The following PHF8 variants were observed in gnomAD, a reference collection of about 807,000 sequenced individuals.
The protein encoded by PHF8 is histone lysine demethylase PHF8.
In PHF8, 9 loss-of-function variants were observed where a neutral mutation model predicts 74.4. The ratio of observed to expected loss-of-function variants is 0.12; its 90% CI spans 0.07 to 0.21. The LOEUF (loss-of-function observed/expected upper bound fraction) is 0.21. Among genes scored for constraint, PHF8 ranks in the 10% least tolerant of loss-of-function variants. PHF8 has a pLI of 1.00. For missense variants in PHF8, 478 were observed against 816.6 expected (o/e 0.59, Z 5.05); for synonymous variants, 311 against 316.6 (o/e 0.98, Z 0.19).
At chrX:54,001,619 T>C (rs1557104238) in intron 10 of PHF8, among the ~76,000 whole-genome samples, 1 of 111,891 alleles carries the variant, frequency 8.9e-6, no homozygotes, top group Non-Finnish European at 1.9e-5. Context: ...ATAAAGGGAC[T>C]ATAAAGGGGT....
intron 2 of PHF8, among the ~76,000 whole-genome samples, chrX:54,041,389 A>T (rs2066551679): frequency 1.0e-5 from 1 of 96,875 alleles, no homozygotes; most frequent in Admixed American, 1.1e-4. Flanking sequence ...TGTCTCAAAT[A>T]AAAAAAAAAA....
At chrX:54,041,317 G>A (rs1227557949) in intron 2 of PHF8, among the ~76,000 whole-genome samples, 1 of 107,542 alleles carries the variant, frequency 9.3e-6, no homozygotes, top group Non-Finnish European at 1.9e-5. Context: ...CCGGGAGGCA[G>A]AGGTTGCAGT....
intron 2 of PHF8, among the ~76,000 whole-genome samples, chrX:54,036,720 C>T (rs1210599313): frequency 9.3e-6 from 1 of 107,817 alleles, no homozygotes; most frequent in Non-Finnish European, 1.9e-5. Flanking sequence ...AAAGAAAGGC[C>T]GGGTGCTGTG....
intron 19 of PHF8, chrX:53,944,671 T>C (rs1295897558): frequency 4.1e-5 from 6 of 146,327 alleles, no homozygotes; most frequent in African/African-American, 1.5e-4. Context: ...TGAGCTACGA[T>C]TGTACCACTG....
intron 19 of PHF8, among the ~76,000 whole-genome samples, chrX:53,956,482 A>G (rs2065014843): frequency 8.9e-6 from 1 of 111,770 alleles, no homozygotes; most frequent in Admixed American, 9.6e-5. Flanking sequence ...TCTTCTGCTC[A>G]GTACCATATA....
At chrX:53,951,743 T>A (rs1557086968) in intron 19 of PHF8, among the ~76,000 whole-genome samples, 2 of 110,506 alleles carry the variant, frequency 1.8e-5, no homozygotes. Flanking sequence ...TGAGCCACTG[T>A]GCCCGGCCAA....
intron 9 of PHF8, 129 bp downstream of exon 9, chrX:54,002,466 T>C: frequency 1.8e-6 from 1 of 560,131 alleles, no homozygotes; most frequent in Non-Finnish European, 3.2e-6. Context: ...AAGGTGTTAA[T>C]CTTCAGCTGA....
intron 2 of PHF8, among the ~76,000 whole-genome samples, chrX:54,041,244 C>T (rs968122865): frequency 5.5e-5 from 6 of 108,798 alleles, no homozygotes; most frequent in African/African-American, 2.0e-4. Context: ...ATTTGCCGGG[C>T]GTGGTGGCGT....
At chrX:53,977,868 A>G (rs1336980841) in intron 18 of PHF8, among the ~76,000 whole-genome samples, 6 of 107,416 alleles carry the variant, frequency 5.6e-5, no homozygotes, top group Non-Finnish European at 1.2e-4. Context: ...GGATGGTCTC[A>G]ATCTCCTGAC....
chrX:53,953,142 T>A (rs2064954525), intron 19 of PHF8, among the ~76,000 whole-genome samples: 1 of 105,452 alleles, frequency 9.5e-6, no homozygotes, highest in Non-Finnish European at 1.9e-5. Flanking sequence ...GGCTTGGTGG[T>A]GTGTGCCTGT....
At chrX:53,967,925 G>A (rs1353001943) in intron 18 of PHF8, among the ~76,000 whole-genome samples, 2 of 109,639 alleles carry the variant, frequency 1.8e-5, no homozygotes, top group Non-Finnish European at 1.9e-5. Flanking sequence ...CAGCATGCTC[G>A]TTAAGAGTCA....
intron 2 of PHF8, among the ~76,000 whole-genome samples, chrX:54,037,000 T>TAAAAAAAAAAAAA: frequency 1.6e-5 from 1 of 63,242 alleles, no homozygotes; most frequent in African/African-American, 5.7e-5. Context: ...TCAGAAAAAA[T>TAAAAAAAAAAAAA]AAAAAAAAAA....
chrX:53,976,959 TTAAAAAATAAATAAA>T (rs1345690388), intron 18 of PHF8, among the ~76,000 whole-genome samples: 2 of 111,846 alleles, frequency 1.8e-5, no homozygotes, highest in Non-Finnish European at 3.8e-5. Flanking sequence ...TTGGCTAGTC[TTAAAAAATAAATAAA>T]TAAAAAATAA....
chrX:53,967,414 G>A (rs1162277452), intron 18 of PHF8, among the ~76,000 whole-genome samples: 5 of 105,364 alleles, frequency 4.7e-5, no homozygotes, highest in African/African-American at 7.0e-5. Flanking sequence ...GAGGTGAGGG[G>A]CGCCTCTGCC....
intron 19 of PHF8, among the ~76,000 whole-genome samples, chrX:53,950,221 C>G (rs1557086544): frequency 9.0e-6 from 1 of 111,555 alleles, no homozygotes; most frequent in Non-Finnish European, 1.9e-5. Context: ...ATGTAGTGAG[C>G]AGAAAGGAGC....
At chrX:54,029,852 A>G (rs1241242920) in intron 2 of PHF8, among the ~76,000 whole-genome samples, 1 of 111,730 alleles carries the variant, frequency 9.0e-6, no homozygotes, top group African/African-American at 3.3e-5. Flanking sequence ...TCACAAAATC[A>G]AAGGCAAAAT....
At chrX:53,960,607 G>A (rs1165705775) in intron 19 of PHF8, among the ~76,000 whole-genome samples, 1 of 107,681 alleles carries the variant, frequency 9.3e-6, no homozygotes, top group African/African-American at 3.4e-5. Flanking sequence ...AAATTAGTCA[G>A]GCATGGTGGC....
At chrX:53,949,709 G>A (rs5960394) in intron 19 of PHF8, among the ~76,000 whole-genome samples, 91 of 105,945 alleles carry the variant, frequency 8.6e-4, no homozygotes, top group African/African-American at 3.2e-3. Context: ...CTACTCAGGA[G>A]GCTGAGGCAG....
intron 2 of PHF8, among the ~76,000 whole-genome samples, chrX:54,039,477 T>TA (rs2066517183): frequency 8.9e-6 from 1 of 111,946 alleles, no homozygotes; most frequent in South Asian, 3.7e-4. Context: ...TAACTTGTGT[T>TA]AGAGTGTACA....
Sources: gnomAD v4.1 joint callset for allele counts (sites outside exome capture counted in the v4.1 genomes callset) on GRCh38, gnomAD v4.1.1 for gene constraint, MANE v1.5 for transcripts, NCBI Gene and HGNC (gene_info 2026-07-23, HGNC 2026-07-21) for gene names.